The following FBXL17 variants were observed in gnomAD, a reference collection of about 807,000 sequenced individuals.
The protein encoded by FBXL17 is F-box and leucine rich repeat protein 17, also known as F-box/LRR-repeat protein 17.
A neutral mutation model predicts 66.2 loss-of-function variants in FBXL17; 22 were observed. The observed-to-expected ratio is 0.33, with a 90% confidence interval of 0.24 to 0.47. The LOEUF (loss-of-function observed/expected upper bound fraction) is 0.47. Among genes scored for constraint, FBXL17 ranks in the 20% least tolerant of loss-of-function variants. The pLI is 1.00. For missense variants in FBXL17, 878 were observed against 948.2 expected, an observed-to-expected ratio of 0.93 and a Z score of 0.97; for synonymous variants, 474 against 400.5, an observed-to-expected ratio of 1.18 and a Z score of -2.19.
chr5:108,306,652 G>A (rs2150189006), intron 4 of FBXL17, among the ~76,000 whole-genome samples: 1 of 152,090 alleles, frequency 6.6e-6, no homozygotes, highest in East Asian at 1.9e-4. Flanking sequence ...AAGTAAAGGT[G>A]TATTTCTTCA....
intron 7 of FBXL17, among the ~76,000 whole-genome samples, chr5:107,926,566 T>C (rs1466779338): frequency 6.6e-6 from 1 of 151,812 alleles, no homozygotes; most frequent in Non-Finnish European, 1.5e-5. Flanking sequence ...GTGATTAATG[T>C]GTGTCATGAT....
intron 6 of FBXL17, among the ~76,000 whole-genome samples, chr5:108,113,637 A>C (rs533737962): frequency 2.0e-5 from 3 of 152,206 alleles, no homozygotes; most frequent in East Asian, 3.9e-4. Flanking sequence ...AAAAGTAGTA[A>C]ATCTCTCTGA....
In FBXL17 at chr5:108,320,689, T is replaced by C. The variant is rs566293107; in HGVS notation, c.1506+27710A>G. On this transcript the variant is annotated intron_variant, in intron 4 of 8. Transcript: ENST00000542267. Reference sequence around the variant, plus strand: ...TTTGCTCCAATTAGATATCAGTTACTAAATACGTAATTGCTAGATTTGTTA... The same window carrying C: ...TTTGCTCCAATTAGATATCAGTTACCAAATACGTAATTGCTAGATTTGTTA... Among the ~76,000 whole-genome samples the C allele has an allele frequency of 2.6e-5, 4 of 151,970 alleles. 1 individual carries two copies. In the South Asian group the frequency reaches 8.3e-4, roughly 32 times the overall value.
chr5:108,034,816 C>T (rs1746779959), intron 6 of FBXL17, among the ~76,000 whole-genome samples: 1 of 152,060 alleles, frequency 6.6e-6, no homozygotes, highest in South Asian at 2.1e-4. Flanking sequence ...TACACTGTTA[C>T]ACTATTCAAT....
chr5:108,358,266 G>A, intron 3 of FBXL17, among the ~76,000 whole-genome samples: 1 of 152,050 alleles, frequency 6.6e-6, no homozygotes, highest in East Asian at 1.9e-4. Flanking sequence ...TGATCTTAAG[G>A]AAAAAGTTTT....
intron 8 of FBXL17, among the ~76,000 whole-genome samples, chr5:107,869,965 A>G (rs1010676736): frequency 6.6e-6 from 1 of 152,228 alleles, no homozygotes; most frequent in Non-Finnish European, 1.5e-5. Context: ...TACAATGGCA[A>G]GCAAGATACA....
chr5:107,945,832 C>T (rs1030574997), intron 7 of FBXL17, among the ~76,000 whole-genome samples: 76 of 152,150 alleles, frequency 5.0e-4, no homozygotes, highest in African/African-American at 1.8e-3. Flanking sequence ...ATTTTTTAAG[C>T]TAAGGTATAC....
intron 6 of FBXL17, among the ~76,000 whole-genome samples, chr5:108,136,885 T>C (rs1229183194): frequency 6.6e-6 from 1 of 152,182 alleles, no homozygotes; most frequent in African/African-American, 2.4e-5. Context: ...ATTATTGATG[T>C]TATTTTGAAA....
chr5:107,979,732 A>G (rs554530191), intron 7 of FBXL17, among the ~76,000 whole-genome samples: 54 of 152,286 alleles, frequency 3.5e-4, no homozygotes, highest in African/African-American at 1.3e-3. Context: ...TCTAACTAGG[A>G]CTTTTATTGT....
intron 6 of FBXL17, among the ~76,000 whole-genome samples, chr5:108,068,593 C>A (rs1748208690): frequency 1.3e-5 from 2 of 152,028 alleles, no homozygotes; most frequent in African/African-American, 4.8e-5. Flanking sequence ...GTAGCTGGGG[C>A]TACAGGCGCG....
intron 4 of FBXL17, among the ~76,000 whole-genome samples, chr5:108,307,011 T>C (rs1028163122): frequency 7.9e-5 from 12 of 152,174 alleles, no homozygotes; most frequent in South Asian, 4.2e-4. Flanking sequence ...TATCTTTAGG[T>C]ATCCATCATG....
chr5:108,082,604 C>A (rs947878259), intron 6 of FBXL17, among the ~76,000 whole-genome samples: 1 of 147,656 alleles, frequency 6.8e-6, no homozygotes, highest in Non-Finnish European at 1.5e-5. Context: ...TTTTTCCAGT[C>A]CTGGAAATAA....
chr5:108,091,008 T>C lies in FBXL17; in HGVS notation c.1746-70007A>G, dbSNP rs562839249. On this transcript the variant is annotated intron_variant, in intron 6 of 8. Transcript: ENST00000542267. ...GTTTTTGTTGTTGTTGTTTCCTCTG[T>C]TGGGTGTGCGTGGGGGTGCTGCTTA... Among the ~76,000 whole-genome samples, 70 of 152,354 alleles carry C rather than the reference T, an allele frequency of 4.6e-4. 2 individuals carry two copies. The highest frequency in any genetic ancestry group is 2.6e-4 in the Admixed American group (4 of 15,300).
At chr5:108,033,005 G>T (rs1746703682) in intron 6 of FBXL17, among the ~76,000 whole-genome samples, 1 of 152,126 alleles carries the variant, frequency 6.6e-6, no homozygotes, top group Non-Finnish European at 1.5e-5. Flanking sequence ...CATATCTTCA[G>T]CCTGAATTAG....
chr5:108,016,558 G>T (rs1221306597), intron 7 of FBXL17, among the ~76,000 whole-genome samples: 1 of 152,128 alleles, frequency 6.6e-6, no homozygotes, highest in Non-Finnish European at 1.5e-5. Flanking sequence ...CCTGACACAA[G>T]GTTCACAATG....
At chr5:108,133,826 C>T (rs1434708097) in intron 6 of FBXL17, among the ~76,000 whole-genome samples, 1 of 151,822 alleles carries the variant, frequency 6.6e-6, no homozygotes, top group Middle Eastern at 3.4e-3. Flanking sequence ...GCTCCCATTT[C>T]CTTGTCTGTA....
intron 6 of FBXL17, among the ~76,000 whole-genome samples, chr5:108,182,972 CAT>C (rs1753066194): frequency 6.6e-6 from 1 of 151,600 alleles, no homozygotes; most frequent in African/African-American, 2.4e-5. Flanking sequence ...CTCTTCTACA[CAT>C]GTCCTGTATA....
rs567708805 is a variant in FBXL17 at position 107,979,089 on chromosome 5, C to T, written c.1822+41836G>A. ...ATTAAAAGAGACAATGCATGTGAAA[C>T]GGTTACTCCAGTTCCTGACATACAT... On this transcript the variant is annotated intron_variant, in intron 7 of 8. Transcript: ENST00000542267. Among the ~76,000 whole-genome samples the T allele has an allele frequency of 6.6e-5, 10 of 152,252 alleles. No homozygotes were observed. The South Asian group carries it at 1.0e-3, about 16-fold the overall frequency.
chr5:108,273,988 T>C (rs1195861600), intron 4 of FBXL17, among the ~76,000 whole-genome samples: 1 of 152,196 alleles, frequency 6.6e-6, no homozygotes, highest in Non-Finnish European at 1.5e-5. Context: ...TACAGGAATT[T>C]CTTAAATGAT....
Sources: gnomAD v4.1 joint callset for allele counts (sites outside exome capture counted in the v4.1 genomes callset) on GRCh38, gnomAD v4.1.1 for gene constraint, MANE v1.5 for transcripts, NCBI Gene and HGNC (gene_info 2026-07-23, HGNC 2026-07-21) for gene names.